NBAS: variants seen among roughly 807,000 people sequenced by gnomAD.
NBAS encodes NAG/BC035112 fusion.
NBAS carries 219 observed loss-of-function variants against 302.5 expected under a neutral mutation model. The observed-to-expected ratio is 0.72, with a 90% CI of 0.65 to 0.81. NBAS has a LOEUF of 0.81. Ranked by LOEUF, NBAS falls within the 30% of genes least tolerant of loss-of-function variation. The probability of loss-of-function intolerance (pLI) is 0.00; values close to 1 mark genes in which losing one functional copy is unlikely to be tolerated. For missense variants in NBAS, 2,932 were observed against 2,841.6 expected, an observed-to-expected ratio of 1.03 and a Z score of -0.72; for synonymous variants, 1,118 against 1,021.6, an observed-to-expected ratio of 1.09 and a Z score of -1.80.
At chr2:15,088,307 C>T in the NBAS span, among the ~76,000 whole-genome samples, 1 of 152,142 alleles carries the variant, frequency 6.6e-6, no homozygotes, top group African/African-American at 2.4e-5. Context: ...CAGAGTATGT[C>T]ATAGGAGCTG....
intron 11 of NBAS, among the ~76,000 whole-genome samples, chr2:15,495,734 C>A (rs1311744087): frequency 6.6e-6 from 1 of 152,056 alleles, no homozygotes; most frequent in African/African-American, 2.4e-5. Flanking sequence ...TTTTCAACTT[C>A]AAACAAGAAC....
chr2:14,885,973 C>G, the NBAS span, among the ~76,000 whole-genome samples: 1 of 152,166 alleles, frequency 6.6e-6, no homozygotes, highest in Admixed American at 6.5e-5. Context: ...ATAAAGAGAA[C>G]GAGCAACTTC....
chr2:14,870,752 T>C, the NBAS span, among the ~76,000 whole-genome samples: 1 of 151,970 alleles, frequency 6.6e-6, no homozygotes, highest in Non-Finnish European at 1.5e-5. Context: ...AGCTGTGCAG[T>C]GAATCTGGAA....
the NBAS span, among the ~76,000 whole-genome samples, chr2:15,004,902 T>C: frequency 3.9e-5 from 6 of 152,102 alleles, no homozygotes; most frequent in African/African-American, 1.4e-4. Flanking sequence ...AGTTTATATT[T>C]TCAATAGTAA....
intron 34 of NBAS, among the ~76,000 whole-genome samples, chr2:15,352,718 G>C (rs943737429): frequency 6.6e-6 from 1 of 152,110 alleles, no homozygotes; most frequent in African/African-American, 2.4e-5. Flanking sequence ...TTTTCCGGTG[G>C]AATGCCCTCA....
At chr2:14,991,959 G>C in the NBAS span, among the ~76,000 whole-genome samples, 8 of 152,284 alleles carry the variant, frequency 5.3e-5, no homozygotes, top group South Asian at 1.0e-3. Context: ...CAGCGCTCTG[G>C]AGGTTACGGA....
intron 11 of NBAS, among the ~76,000 whole-genome samples, chr2:15,499,203 C>T (rs899500089): frequency 3.9e-5 from 6 of 152,232 alleles, no homozygotes; most frequent in Non-Finnish European, 8.8e-5. Flanking sequence ...GCTGGGATTA[C>T]AGGCGTGAGC....
intron 35 of NBAS, among the ~76,000 whole-genome samples, chr2:15,336,235 T>C (rs1240774708): frequency 1.3e-5 from 2 of 152,220 alleles, no homozygotes; most frequent in Non-Finnish European, 2.9e-5. Flanking sequence ...ATGCATACTA[T>C]TAATGCACTT....
chr2:15,522,291 T>C (rs1480881277), intron 9 of NBAS, among the ~76,000 whole-genome samples: 1 of 152,114 alleles, frequency 6.6e-6, no homozygotes, highest in East Asian at 1.9e-4. Flanking sequence ...GGAGGAGGCA[T>C]ACTAAAGAAG....
chr2:14,967,652 G>A, the NBAS span, among the ~76,000 whole-genome samples: 30 of 152,144 alleles, frequency 2.0e-4, no homozygotes, highest in Admixed American at 2.0e-4. Flanking sequence ...TTGGGTTAGG[G>A]AAAGGTCTCT....
At chr2:15,199,186 T>C (rs1401628336) in intron 48 of NBAS, among the ~76,000 whole-genome samples, 2 of 148,518 alleles carry the variant, frequency 1.3e-5, no homozygotes, top group African/African-American at 5.0e-5. Context: ...AACAACTACG[T>C]CATAAATCTA....
chr2:15,271,182 T>C (rs1669302201), intron 44 of NBAS, among the ~76,000 whole-genome samples: 1 of 152,136 alleles, frequency 6.6e-6, no homozygotes, highest in African/African-American at 2.4e-5. Flanking sequence ...ATTTAGAGAA[T>C]CTGAACAGCA....
At chr2:14,864,842 A>G in the NBAS span, among the ~76,000 whole-genome samples, 1 of 152,170 alleles carries the variant, frequency 6.6e-6, no homozygotes, top group South Asian at 2.1e-4. Context: ...AATACATATA[A>G]AGTACCTAGA....
intron 44 of NBAS, among the ~76,000 whole-genome samples, chr2:15,265,942 A>T (rs578156611): frequency 6.6e-6 from 1 of 152,290 alleles, no homozygotes; most frequent in South Asian, 2.1e-4. Flanking sequence ...ACAGCCGATA[A>T]TACGGTTTGG....
At chr2:14,875,688 T>C in the NBAS span, among the ~76,000 whole-genome samples, 3 of 152,204 alleles carry the variant, frequency 2.0e-5, no homozygotes, top group African/African-American at 7.2e-5. Flanking sequence ...AAAATACAAC[T>C]AAAATAGCTT....
At chr2:14,815,705 C>T in the NBAS span, among the ~76,000 whole-genome samples, 2 of 152,302 alleles carry the variant, frequency 1.3e-5, no homozygotes, top group South Asian at 4.1e-4. Flanking sequence ...CCTTCCTATT[C>T]TATTCAATCC....
chr2:14,879,804 G>A, the NBAS span, among the ~76,000 whole-genome samples: 1 of 152,182 alleles, frequency 6.6e-6, no homozygotes, highest in African/African-American at 2.4e-5. Flanking sequence ...AGCAGAGAAT[G>A]GGGAGACAGA....
At chr2:15,099,278 A>G in the NBAS span, among the ~76,000 whole-genome samples, 1 of 152,120 alleles carries the variant, frequency 6.6e-6, no homozygotes, top group Non-Finnish European at 1.5e-5. Context: ...CCTGGGCGAC[A>G]GAGCAAGACT....
the NBAS span, among the ~76,000 whole-genome samples, chr2:14,865,100 T>A: frequency 3.3e-5 from 5 of 152,332 alleles, no homozygotes; most frequent in East Asian, 1.9e-4. Context: ...TACCGCCTTC[T>A]GTTCTGGGCT....
Sources: allele counts gnomAD v4.1 joint callset (sites outside exome capture counted in the v4.1 genomes callset), GRCh38; gene constraint gnomAD v4.1.1; transcripts MANE v1.5; gene names NCBI Gene and HGNC (gene_info 2026-07-23, HGNC 2026-07-21).